Variants in KIAA1549L observed in about 807,000 individuals in gnomAD.
KIAA1549L encodes the protein UPF0606 protein KIAA1549L.
Under a neutral mutation model 160.7 loss-of-function variants are expected in KIAA1549L, and 88 were observed. That is an observed-to-expected ratio of 0.55 (90% CI 0.46 to 0.65). KIAA1549L has a LOEUF of 0.65. KIAA1549L is among the 30% of genes least tolerant of loss of function. The pLI is 0.00. For missense variants in KIAA1549L, 2,258 were observed against 2,437.5 expected, an observed-to-expected ratio of 0.93 and a Z score of 1.55; for synonymous variants, 950 against 976.7, an observed-to-expected ratio of 0.97 and a Z score of 0.51.
At chr11:33,494,950 C>T (rs1200297265) in intron 1 of KIAA1549L, among the ~76,000 whole-genome samples, 4 of 152,104 alleles carry the variant, frequency 2.6e-5, no homozygotes, top group Non-Finnish European at 4.4e-5. Flanking sequence ...GAGAGAAATG[C>T]GTTCTTTGTT....
At chr11:33,628,831 A>G (rs1851192237) in intron 16 of KIAA1549L, among the ~76,000 whole-genome samples, 1 of 149,190 alleles carries the variant, frequency 6.7e-6, no homozygotes, top group South Asian at 2.1e-4. Context: ...TGTCATTATG[A>G]TGTTAGTTGG....
intron 1 of KIAA1549L, among the ~76,000 whole-genome samples, chr11:33,537,743 A>G (rs944975182): frequency 6.6e-6 from 1 of 152,144 alleles, no homozygotes; most frequent in Non-Finnish European, 1.5e-5. Flanking sequence ...TCAAATGTTT[A>G]CTGACATAAT....
At chr11:33,605,467 C>T (rs758698704) in intron 13 of KIAA1549L, among the ~76,000 whole-genome samples, 1 of 152,094 alleles carries the variant, frequency 6.6e-6, no homozygotes, top group African/African-American at 2.4e-5. Flanking sequence ...TCATTGGCTG[C>T]TTGGTGGCCT....
chr11:33,500,516 T>C lies in KIAA1549L; in HGVS notation c.239-41286T>C, dbSNP rs111418434. Among the ~76,000 whole-genome samples, 3 of 152,314 alleles carry C rather than the reference T, an allele frequency of 2.0e-5. 1 individual carries two copies. The highest frequency in any genetic ancestry group is 7.2e-5 in the African/African-American group (3 of 41,586). ...AATACAGGAATTGCTGTGGAGTCTT[T>C]CTTAATCTGAACAACTGCATTCCTC... On this transcript the variant is annotated intron_variant, in intron 1 of 20. Coordinates refer to ENST00000658780, the MANE Select transcript of KIAA1549L (RefSeq NM_012194.3).
At chr11:33,610,100 G>T (rs902730333) in intron 15 of KIAA1549L, 134 bp downstream of exon 15, 3 of 661,566 alleles carry the variant, frequency 4.5e-6, no homozygotes, top group South Asian at 3.6e-5. Flanking sequence ...TTTGTACCAC[G>T]CTGGTCTGTG....
chr11:33,435,785 T>C (rs1438496931), intron 1 of KIAA1549L, among the ~76,000 whole-genome samples: 2 of 11,008 alleles, frequency 1.8e-4, no homozygotes, highest in Admixed American at 1.4e-3. Flanking sequence ...TATATATATA[T>C]ATATATATAT....
At chr11:33,633,360 C>T (rs373997306) in intron 16 of KIAA1549L, among the ~76,000 whole-genome samples, 10 of 151,910 alleles carry the variant, frequency 6.6e-5, no homozygotes, top group South Asian at 6.2e-4. Context: ...TGTTGTGTAA[C>T]GACTGCTATT....
Position 33,656,279 on chromosome 11 carries a change from A to G in KIAA1549L, c.5858+170A>G, listed in dbSNP as rs550712986. On this transcript the variant is annotated intron_variant, in intron 18 of 20. Coordinates refer to ENST00000658780, the MANE Select transcript of KIAA1549L (RefSeq NM_012194.3). Reference sequence around the variant, plus strand: ...GTGGCATCCCAAGTACCATGAATGAACAGATCACGGTGCTTTTGTGCTTTT... The same window carrying G: ...GTGGCATCCCAAGTACCATGAATGAGCAGATCACGGTGCTTTTGTGCTTTT... Among the ~76,000 whole-genome samples the G allele has an allele frequency of 3.9e-5, 6 of 152,288 alleles. No individual in the cohort carries two copies. In the East Asian group the frequency reaches 9.6e-4, roughly 24 times the overall value.
intron 9 of KIAA1549L, among the ~76,000 whole-genome samples, chr11:33,569,385 G>A (rs967017896): frequency 6.6e-6 from 1 of 152,158 alleles, no homozygotes; most frequent in Non-Finnish European, 1.5e-5. Flanking sequence ...CCTCTGGAGT[G>A]GGGACTTCCT....
chr11:33,512,239 G>A (rs1853243196), intron 1 of KIAA1549L, among the ~76,000 whole-genome samples: 1 of 152,176 alleles, frequency 6.6e-6, no homozygotes, highest in East Asian at 1.9e-4. Flanking sequence ...ATCCTTCTTA[G>A]AGTGATTGGA....
chr11:33,632,743 T>G (rs1422577841), intron 16 of KIAA1549L, among the ~76,000 whole-genome samples: 1 of 152,078 alleles, frequency 6.6e-6, no homozygotes, highest in Admixed American at 6.6e-5. Flanking sequence ...GGTTAATTTT[T>G]AATTTTTATT....
At chr11:33,403,306 C>CAG (rs1565121861) in intron 1 of KIAA1549L, 2 of 2,232 alleles carry the variant, frequency 9.0e-4, no homozygotes, top group African/African-American at 2.5e-3. Flanking sequence ...CACACGCATA[C>CAG]ACGGACACAG....
chr11:33,593,118 A>T (rs1850105470), intron 12 of KIAA1549L, among the ~76,000 whole-genome samples: 1 of 152,160 alleles, frequency 6.6e-6, no homozygotes, highest in Non-Finnish European at 1.5e-5. Flanking sequence ...CAATGACATG[A>T]TGTGACTTGC....
At chr11:33,638,434 A>T (rs1458847684) in intron 16 of KIAA1549L, among the ~76,000 whole-genome samples, 2 of 22,324 alleles carry the variant, frequency 9.0e-5, no homozygotes, top group South Asian at 1.8e-3. Flanking sequence ...AAAAAAAAAA[A>T]AATAAATAAA....
At chr11:33,524,567 T>C (rs1393703624) in intron 1 of KIAA1549L, among the ~76,000 whole-genome samples, 1 of 152,248 alleles carries the variant, frequency 6.6e-6, no homozygotes, top group Non-Finnish European at 1.5e-5. Flanking sequence ...AAAAAGTCTC[T>C]TTTAAAATTA....
chr11:33,574,936 A>G, intron 10 of KIAA1549L, 63 bp downstream of exon 10: 8 of 1,402,570 alleles, frequency 5.7e-6, no homozygotes, highest in South Asian at 1.2e-5. Flanking sequence ...GAAAATCAAA[A>G]TGATTCCCCA....
intron 16 of KIAA1549L, among the ~76,000 whole-genome samples, chr11:33,623,860 T>C (rs1851024338): frequency 1.3e-5 from 2 of 152,172 alleles, no homozygotes; most frequent in South Asian, 4.1e-4. Flanking sequence ...ACTTCCCTTC[T>C]GTTAGCAGCA....
At chr11:33,659,624 C>T (rs1041620906) in intron 19 of KIAA1549L, among the ~76,000 whole-genome samples, 6 of 152,258 alleles carry the variant, frequency 3.9e-5, no homozygotes, top group Admixed American at 1.3e-4. Context: ...ACTGCAAGCA[C>T]TCAGTTGCCA....
chr11:33,503,139 C>T (rs1852991440), intron 1 of KIAA1549L, among the ~76,000 whole-genome samples: 1 of 152,074 alleles, frequency 6.6e-6, no homozygotes, highest in Non-Finnish European at 1.5e-5. Context: ...TTCAACTTAC[C>T]ATAGATATGT....
Sources: allele counts gnomAD v4.1 joint callset (sites outside exome capture counted in the v4.1 genomes callset), GRCh38; gene constraint gnomAD v4.1.1; transcripts MANE v1.5; gene names NCBI Gene and HGNC (gene_info 2026-07-23, HGNC 2026-07-21).